The following CCDC60 variants were observed in gnomAD, a reference collection of about 807,000 sequenced individuals.
CCDC60 encodes coiled-coil domain-containing protein 60.
A neutral mutation model predicts 63.5 loss-of-function variants in CCDC60; 54 were observed. The observed-to-expected ratio is 0.85, with a 90% CI of 0.68 to 1.07. The LOEUF (loss-of-function observed/expected upper bound fraction) is 1.07. CCDC60 is among the 50% of genes least tolerant of loss of function. The pLI is 0.00. For missense variants in CCDC60, 651 were observed against 684.3 expected, an observed-to-expected ratio of 0.95 and a Z score of 0.54; for synonymous variants, 206 against 238.8, an observed-to-expected ratio of 0.86 and a Z score of 1.27.
chr12:119,511,164 C>A (rs1440824450), intron 7 of CCDC60, among the ~76,000 whole-genome samples: 1 of 152,162 alleles, frequency 6.6e-6, no homozygotes, highest in Non-Finnish European at 1.5e-5. Context: ...TCCATTTATA[C>A]CTTAACCTCC....
chr12:119,438,525 C>T (rs1037517078), intron 2 of CCDC60, among the ~76,000 whole-genome samples: 14 of 152,166 alleles, frequency 9.2e-5, no homozygotes, highest in African/African-American at 3.4e-4. Context: ...AGCTGGGTGG[C>T]TGTACACAAA....
chr12:119,486,625 T>A (rs950733404), intron 4 of CCDC60, among the ~76,000 whole-genome samples: 1 of 152,162 alleles, frequency 6.6e-6, no homozygotes, highest in Non-Finnish European at 1.5e-5. Context: ...AGGAAAAGAC[T>A]CCAGGGAAGA....
intron 5 of CCDC60, among the ~76,000 whole-genome samples, chr12:119,489,987 G>A (rs560272611): frequency 3.8e-4 from 58 of 152,174 alleles, no homozygotes; most frequent in Middle Eastern, 3.4e-3. Flanking sequence ...TCGTAGAGAC[G>A]GGGTTTCACC....
At chr12:119,469,075 G>T (rs1593132161) in intron 2 of CCDC60, among the ~76,000 whole-genome samples, 2 of 151,864 alleles carry the variant, frequency 1.3e-5, no homozygotes, top group African/African-American at 4.8e-5. Flanking sequence ...ATTGGTTAAG[G>T]TATTCCTCAA....
Position 119,387,040 on chromosome 12 carries a change from A to T in CCDC60, c.91-41643A>T, listed in dbSNP as rs868837358. Among the ~76,000 whole-genome samples, 1,157 of 136,398 alleles carry T rather than the reference A, an allele frequency of 8.5e-3. 14 individuals carry two copies. The highest frequency in any genetic ancestry group is 0.02 in the African/African-American group (656 of 33,468). The allele number at this position is 136,398 out of a possible 152,430, so 89.5% of individuals were successfully genotyped here. On this transcript the variant is annotated intron_variant, in intron 1 of 13. Coordinates refer to ENST00000327554, the MANE Select transcript of CCDC60 (RefSeq NM_178499.5). The stretch of plus-strand genomic sequence containing the variant: ...CCCTCCCCCTCTGTCTCTCTCACAC[A>T]CACACACACACACACACACACACAC...
chr12:119,367,304 G>A (rs1309760714), intron 1 of CCDC60, among the ~76,000 whole-genome samples: 2 of 152,120 alleles, frequency 1.3e-5, no homozygotes, highest in African/African-American at 4.8e-5. Context: ...GGTCATGGAG[G>A]GCTATAGTCC....
At chr12:119,390,115 A>G (rs929616367) in intron 1 of CCDC60, among the ~76,000 whole-genome samples, 2 of 152,236 alleles carry the variant, frequency 1.3e-5, no homozygotes, top group African/African-American at 4.8e-5. Context: ...TAATGCTACC[A>G]TAATGCCATT....
chr12:119,439,615 A>G (rs1438022827), intron 2 of CCDC60, among the ~76,000 whole-genome samples: 2 of 152,238 alleles, frequency 1.3e-5, no homozygotes, highest in African/African-American at 2.4e-5. Context: ...CAAACAGGTC[A>G]TCTTGCTCAA....
chr12:119,402,021 T>C (rs939981480), intron 1 of CCDC60, among the ~76,000 whole-genome samples: 1 of 152,206 alleles, frequency 6.6e-6, no homozygotes, highest in Non-Finnish European at 1.5e-5. Context: ...AAGAACTTTA[T>C]ACACACATCA....
At chr12:119,368,579 T>C (rs1311393258) in intron 1 of CCDC60, among the ~76,000 whole-genome samples, 1 of 152,174 alleles carries the variant, frequency 6.6e-6, no homozygotes, top group Admixed American at 6.5e-5. Flanking sequence ...GCTGAGAATT[T>C]GCAACCATGG....
chr12:119,397,391 T>TA (rs1171282010), intron 1 of CCDC60, among the ~76,000 whole-genome samples: 4 of 152,128 alleles, frequency 2.6e-5, no homozygotes, highest in Non-Finnish European at 5.9e-5. Context: ...GAGAGCTGAT[T>TA]GGTCCATTTT....
intron 1 of CCDC60, among the ~76,000 whole-genome samples, chr12:119,392,378 G>A (rs1956175078): frequency 6.6e-6 from 1 of 152,166 alleles, no homozygotes; most frequent in Non-Finnish European, 1.5e-5. Flanking sequence ...GAGGAGAAGT[G>A]GACACTTAAC....
rs942050689 is a variant in CCDC60 at position 119,464,325 on chromosome 12, C to T, written c.171-7669C>T. On this transcript the variant is annotated intron_variant, in intron 2 of 13. Transcript: ENST00000327554. ...ACCCCCCCCCCACTCTTCCTTACTTCCTCTTTCCTTCCTTCTTCCTTTTTT... is the reference window on the plus strand; with the variant it reads ...ACCCCCCCCCCACTCTTCCTTACTTTCTCTTTCCTTCCTTCTTCCTTTTTT... Among the ~76,000 whole-genome samples, 2 of 129,516 alleles carry T rather than the reference C, an allele frequency of 1.5e-5. 1 individual carries two copies. Among genetic ancestry groups the T allele is most frequent in the Non-Finnish European group, 3.2e-5 (2 of 61,660 alleles). 85.0% of individuals were successfully genotyped at this position (129,516 alleles called of 152,430 possible). A position where few individuals can be genotyped will look rare whatever the true frequency, so the allele number is the denominator to read the frequency against.
At chr12:119,458,807 C>T (rs1593118259) in intron 2 of CCDC60, among the ~76,000 whole-genome samples, 1 of 152,230 alleles carries the variant, frequency 6.6e-6, no homozygotes, top group East Asian at 1.9e-4. Context: ...AGTGCAATGG[C>T]ATGATCTCGG....
intron 1 of CCDC60, among the ~76,000 whole-genome samples, chr12:119,411,787 C>G (rs901707251): frequency 2.0e-5 from 3 of 152,056 alleles, no homozygotes; most frequent in Admixed American, 2.0e-4. Context: ...AAATACTTAG[C>G]ATGCCAAGGC....
intron 6 of CCDC60, among the ~76,000 whole-genome samples, chr12:119,504,794 T>C (rs1407276728): frequency 6.6e-6 from 1 of 152,242 alleles, no homozygotes; most frequent in Non-Finnish European, 1.5e-5. Flanking sequence ...TGGTGACTTC[T>C]TGGGCAACCA....
chr12:119,517,070 C>T (rs1265351708), intron 8 of CCDC60, among the ~76,000 whole-genome samples: 1 of 152,154 alleles, frequency 6.6e-6, no homozygotes, highest in Non-Finnish European at 1.5e-5. Context: ...TCACTGCAGC[C>T]TCCAACTCCT....
intron 2 of CCDC60, among the ~76,000 whole-genome samples, chr12:119,446,307 C>A (rs1950540858): frequency 6.6e-6 from 1 of 152,144 alleles, no homozygotes; most frequent in Admixed American, 6.5e-5. Flanking sequence ...ATCTCATGAA[C>A]CTTTCCTGAA....
chr12:119,383,512 AT>A (rs1175515543), intron 1 of CCDC60, among the ~76,000 whole-genome samples: 3 of 152,190 alleles, frequency 2.0e-5, no homozygotes, highest in Non-Finnish European at 4.4e-5. Context: ...GAGTATGGAG[AT>A]GAGGGCCCCA....
Sources: allele counts gnomAD v4.1 joint callset (sites outside exome capture counted in the v4.1 genomes callset), GRCh38; gene constraint gnomAD v4.1.1; transcripts MANE v1.5; gene names NCBI Gene and HGNC (gene_info 2026-07-23, HGNC 2026-07-21).